The following TCF3 variants were observed in gnomAD, a reference collection of about 807,000 sequenced individuals.
TCF3 encodes transcription factor 3, also known as transcription factor E2-alpha.
In TCF3, 54 loss-of-function variants were observed where a neutral mutation model predicts 72.3. That is an observed-to-expected ratio of 0.75 (90% confidence interval 0.60 to 0.94). The LOEUF is 0.94. TCF3 is among the 40% of genes least tolerant of loss of function. The pLI is 0.00. For missense variants in TCF3, 1,078 were observed against 934.4 expected (o/e 1.15, Z -2.00); for synonymous variants, 525 against 412.6 (o/e 1.27, Z -3.30).
Position 1,627,487 on chromosome 19 carries a change from G to A in TCF3, c.299-61C>T, listed in dbSNP as rs561680863. 41 of 1,506,288 alleles carry A rather than the reference G, an allele frequency of 2.7e-5. No individual in the cohort carries two copies. In the East Asian group the frequency reaches 7.7e-4, roughly 28 times the overall value. The allele number at this position is 1,506,288 out of a possible 1,614,324, so 93.3% of individuals were successfully genotyped here. On this transcript the variant is annotated intron_variant, in intron 5 of 18. Transcript: ENST00000262965. ...CCCAAGGAACATCCTGAGGGCCCCCGAGTGCCTGCCATGTGCCTACAATAG... is the reference window on the plus strand; with the variant it reads ...CCCAAGGAACATCCTGAGGGCCCCCAAGTGCCTGCCATGTGCCTACAATAG...
At chr19:1,632,511 G>A in intron 3 of TCF3, 106 bp from the exon 4 acceptor site, 1 of 1,241,932 alleles carries the variant, frequency 8.1e-7, no homozygotes, top group Admixed American at 2.2e-5. Context: ...CGGGGGGCTT[G>A]TGGAACCCTT....
intron 1 of TCF3, chr19:1,650,705 C>G: frequency 4.2e-6 from 1 of 235,544 alleles, no homozygotes; most frequent in Non-Finnish European, 8.3e-6. Flanking sequence ...GGAGGAACAG[C>G]CCGATCCTAC....
chr19:1,646,658 A>T (rs2066147151), intron 2 of TCF3, among the ~76,000 whole-genome samples: 3 of 151,396 alleles, frequency 2.0e-5, no homozygotes, highest in Admixed American at 1.3e-4. Context: ...GAGTGAGAAA[A>T]CTCCAGACGA....
In TCF3 at chr19:1,612,427, C is replaced by T. The variant is rs1230442133; in HGVS notation, c.1823-578G>A. The T allele has an allele frequency of 5.7e-6, 9 of 1,588,346 alleles. No individual in the cohort carries two copies. Among genetic ancestry groups the T allele is most frequent in the South Asian group, 3.3e-5 (3 of 90,714 alleles). ...TCTCCTCCAGGGACAGCACCTCGTCCGTACTGCTGGGTCACAGCACCGAGG... is the reference window on the plus strand; with the variant it reads ...TCTCCTCCAGGGACAGCACCTCGTCTGTACTGCTGGGTCACAGCACCGAGG... On this transcript the variant is annotated intron_variant, in intron 18 of 18. Coordinates refer to ENST00000262965, the MANE Select transcript of TCF3 (RefSeq NM_003200.5).
chr19:1,627,235 T>C, intron 6 of TCF3, 124 bp downstream of exon 6: 1 of 211,778 alleles, frequency 4.7e-6, no homozygotes, highest in Non-Finnish European at 8.5e-6. Flanking sequence ...AAGCCCAGCC[T>C]GGTTTCGCTA....
rs189251197 is a variant in TCF3 at position 1,613,609 on chromosome 19, C to A, written c.1822+1676G>T. Among the ~76,000 whole-genome samples the A allele has an allele frequency of 5.0e-3, 766 of 152,282 alleles. 4 individuals are homozygous for A. Among genetic ancestry groups the A allele is most frequent in the Non-Finnish European group, 6.3e-3 (425 of 67,992 alleles). On this transcript the variant is annotated intron_variant, in intron 18 of 18. Transcript: ENST00000262965. ...GTGGACAGAGGAGGCCTTGAAGACA[C>A]GGGCTCAGCAGGCAAATACCTGGGC...
Position 1,619,196 on chromosome 19 carries a change from G to C in TCF3, c.1365C>G (p.Ser455Arg). The C allele has an allele frequency of 6.3e-7, 1 of 1,599,932 alleles. No individual in the cohort carries two copies. Among genetic ancestry groups the C allele is most frequent in the Non-Finnish European group, 8.5e-7 (1 of 1,179,542 alleles). Residue 455 changes from serine to arginine, a missense_variant, in exon 16 of 19, where the codon AGC (serine) becomes AGG (arginine). Ser to Arg is a moderately radical substitution (Grantham distance 110). Transcript: ENST00000262965. ...CCGCGTGGTTGTGCATGAGGCTGGT[G>C]CTGCCTGCGAGGCCGTCCTCGGGGT... ...GSHPEDGLAG[S>R]TSLMHNHAAL... is the part of the protein sequence containing the mutation.
At chr19:1,641,332 T>C (rs889471377) in intron 3 of TCF3, among the ~76,000 whole-genome samples, 7 of 151,800 alleles carry the variant, frequency 4.6e-5, no homozygotes, top group South Asian at 2.1e-4. Flanking sequence ...AAGTGAAAAA[T>C]TGGGCTGGGC....
chr19:1,619,164 G>C lies in TCF3; in HGVS notation c.1397C>G (p.Pro466Arg). 1 of 1,600,308 alleles carries C rather than the reference G, an allele frequency of 6.2e-7. No homozygotes were observed. The highest frequency in any genetic ancestry group is 1.3e-5 in the African/African-American group (1 of 75,046). Residue 466 changes from proline (P) to arginine (R), a missense_variant, in exon 16 of 19, where the codon CCC (proline) becomes CGC (arginine). Pro to Arg is a moderately radical substitution (Grantham distance 103). Transcript: ENST00000262965. ...TSLMHNHAAL[P>R]SQPGTLPDLS... ...GTCAGGGAGGGTGCCTGGCTGGCTG[G>C]GGAGGGCCGCGTGGTTGTGCATGAG...
rs752605078 is a variant in TCF3 at position 1,622,271 on chromosome 19, C to G, written c.652+42G>C. On this transcript the variant is annotated intron_variant, in intron 9 of 18. Coordinates refer to ENST00000262965, the MANE Select transcript of TCF3 (RefSeq NM_003200.5). Reference sequence around the variant, plus strand: ...TGGGGGCCGAGTGGGGAACCCCAGCCCTGCCCTACCGTCCCTGGCGAGCCC... The same window carrying G: ...TGGGGGCCGAGTGGGGAACCCCAGCGCTGCCCTACCGTCCCTGGCGAGCCC... The G allele has an allele frequency of 2.0e-6, 3 of 1,506,728 alleles. No homozygotes were observed. In the African/African-American group the frequency reaches 4.1e-5, roughly 21 times the overall value. The allele number at this position is 1,506,728 out of a possible 1,614,324, so 93.3% of individuals were successfully genotyped here. A position where few individuals can be genotyped will look rare whatever the true frequency, so the allele number is the denominator to read the frequency against.
intron 18 of TCF3, chr19:1,612,186 A>G (rs761324888): frequency 6.4e-7 from 1 of 1,557,620 alleles, no homozygotes; most frequent in Non-Finnish European, 8.7e-7. Flanking sequence ...GTGCTGGGGC[A>G]GCCCTGGCCG....
rs79759736 is a variant in TCF3 at position 1,617,686 on chromosome 19, A to G, written c.1450+1425T>C. Among the ~76,000 whole-genome samples the G allele has an allele frequency of 2.0e-3, 310 of 152,320 alleles. 3 individuals carry two copies. The highest frequency in any genetic ancestry group is 7.1e-3 in the African/African-American group (294 of 41,574). On this transcript the variant is annotated intron_variant, in intron 16 of 18. Coordinates refer to ENST00000262965, the MANE Select transcript of TCF3 (RefSeq NM_003200.5). The stretch of plus-strand genomic sequence containing the variant: ...CCAGGACCAGCCCAGGCCTCAGCAC[A>G]CGAAGTGAAGGACAGGAAGGAAACA...
In TCF3 at chr19:1,610,144, G is replaced by A. The variant is rs1353727156; in HGVS notation, c.*1563C>T. 8.6e-6 allele frequency: 2 copies of A among 232,514 alleles called. No homozygotes were observed. Among genetic ancestry groups the A allele is most frequent in the African/African-American group, 4.4e-5 (2 of 45,274 alleles). The allele number at this position is 232,514 out of a possible 1,614,324, so 14.4% of individuals were successfully genotyped here. On this transcript the variant is annotated 3_prime_UTR_variant, in exon 19 of 19. Transcript: ENST00000262965. ...GGCAAAAGACCAGAAAAGGAGACCTGGAGAGAGGCCTGGGTGCTGGGACAT... is the reference window on the plus strand; with the variant it reads ...GGCAAAAGACCAGAAAAGGAGACCTAGAGAGAGGCCTGGGTGCTGGGACAT...
rs1178662300 is a variant in TCF3 at position 1,615,185 on chromosome 19, A to C, written c.1822+100T>G. ...GCAAGGAGGCAACTGCTGCAGAGGG[A>C]GGGCTGGCTCCAGGAAGGCGGGCGG... On this transcript the variant is annotated intron_variant, in intron 18 of 18. Transcript: ENST00000262965. The surrounding 1 kb of genome is among the most constrained non-coding windows in gnomAD (Gnocchi z 7.3). 8 of 1,398,184 alleles carry C rather than the reference A, an allele frequency of 5.7e-6. No homozygotes were observed. Among genetic ancestry groups the C allele is most frequent in the South Asian group, 2.8e-5 (2 of 70,700 alleles). 86.6% of individuals were successfully genotyped at this position (1,398,184 alleles called of 1,614,324 possible).
chr19:1,646,320 A>G, intron 3 of TCF3, 35 bp downstream of exon 3: 4 of 1,543,328 alleles, frequency 2.6e-6, no homozygotes, highest in Admixed American at 2.0e-5. Flanking sequence ...TGATCTCCTC[A>G]CTCCACGAGC....
In TCF3 at chr19:1,619,318, G is replaced by C. The variant is rs553896459; in HGVS notation, c.1324C>G (p.Leu442Val). ...CTCCACCCTCGCCCAGCGCTCACCA[G>C]GCCTGCGTGCCGCCCGCCCAGTGAC... ...PMSLGGRHAG[L>V]VGGSHPEDGL... The change falls in exon 15 of 19, where the codon CTG becomes GTG. Residue 442 changes from leucine (L) to valine (V), a missense_variant and splice_region_variant. Physicochemically the swap from Leu to Val is conservative, Grantham distance 32. Transcript: ENST00000262965. 1 of 1,573,032 alleles carries C rather than the reference G, an allele frequency of 6.4e-7. No individual in the cohort carries two copies.
chr19:1,621,024 C>A lies in TCF3; in HGVS notation c.1037G>T (p.Ser346Ile), dbSNP rs2062138303. The A allele has an allele frequency of 6.6e-7, 1 of 1,522,216 alleles. No individual in the cohort carries two copies. The allele number at this position is 1,522,216 out of a possible 1,614,324, so 94.3% of individuals were successfully genotyped here. A position where few individuals can be genotyped will look rare whatever the true frequency, so the allele number is the denominator to read the frequency against. Residue 346 changes from serine to isoleucine, a missense_variant, in exon 13 of 19, where the codon AGC (serine) becomes ATC (isoleucine). Transcript: ENST00000262965. ...LASIYSPDHS[S>I]NNFSSSPSTP... ...AGAAGGGCTGGACGAGAAGTTATTG[C>A]TTGAGTGATCCGGGGAGTAGATCTG...
chr19:1,647,599 A>G (rs1600156757), intron 2 of TCF3, among the ~76,000 whole-genome samples: 1 of 151,976 alleles, frequency 6.6e-6, no homozygotes, highest in Non-Finnish European at 1.5e-5. Flanking sequence ...TTCGCCCTGG[A>G]CCACACCCCC....
Position 1,625,627 on chromosome 19 carries a change from A to G in TCF3, c.448T>C (p.Tyr150His). The change falls in exon 7 of 19, where the codon TAC (tyrosine) becomes CAC (histidine). Residue 150 changes from tyrosine (Y) to histidine (H), a missense_variant. By Grantham distance (83) the Tyr-to-His change is moderately conservative. Coordinates refer to ENST00000262965, the MANE Select transcript of TCF3 (RefSeq NM_003200.5). ...CGGGAGCTGCCGGAGTAGGAGGGGT[A>G]GTACTGGGAGGTCCCCTTCATGCCC... The part of the protein sequence containing the change: ...PSGMKGTSQY[Y>H]PSYSGSSRRR... The G allele has an allele frequency of 1.9e-6, 3 of 1,567,296 alleles. No individual in the cohort carries two copies. The highest frequency in any genetic ancestry group is 1.4e-5 in the African/African-American group (1 of 71,498).
Sources: allele counts gnomAD v4.1 joint callset (sites outside exome capture counted in the v4.1 genomes callset), GRCh38; gene constraint gnomAD v4.1.1; non-coding constraint Gnocchi (gnomAD v3.1); transcripts MANE v1.5; gene names NCBI Gene and HGNC (gene_info 2026-07-23, HGNC 2026-07-21).